DPP6: variants seen among roughly 807,000 people sequenced by gnomAD.
DPP6 encodes dipeptidyl peptidase like 6.
A neutral mutation model predicts 122.6 loss-of-function variants in DPP6; 69 were observed. The observed-to-expected ratio is 0.56, with a 90% CI of 0.46 to 0.69. The LOEUF is 0.69. Ranked by LOEUF, DPP6 falls within the 30% of genes least tolerant of loss-of-function variation. The pLI is 0.00. For synonymous variants in DPP6, 418 were observed against 433.1 expected (o/e 0.97, Z 0.43); for missense variants, 928 against 1,116.9 (o/e 0.83, Z 2.41).
rs1259980506 is a variant in DPP6 at position 154,663,339 on chromosome 7, G to T, written c.681-6021G>T. The stretch of plus-strand genomic sequence containing the variant: ...CATAGAGTCATGGTGAATCACCATG[G>T]CGTATTGGCCATAGTGTTCATGTAG... On this transcript the variant is annotated intron_variant, in intron 6 of 25. Transcript: ENST00000377770. Among the ~76,000 whole-genome samples the T allele has an allele frequency of 2.0e-4, 10 of 49,718 alleles. 1 individual carries two copies. Among genetic ancestry groups the T allele is most frequent in the African/African-American group, 3.9e-4 (10 of 25,786 alleles). The allele number at this position is 49,718 out of a possible 152,430, so 32.6% of individuals were successfully genotyped here.
upstream of DPP6, among the ~76,000 whole-genome samples, chr7:153,882,519 C>G (rs1798783310): frequency 6.6e-6 from 1 of 152,164 alleles, no homozygotes; most frequent in African/African-American, 2.4e-5. Flanking sequence ...TAACTATTTC[C>G]TGATGTCAAA....
chr7:153,954,675 C>G (rs372778903), intron 1 of DPP6, among the ~76,000 whole-genome samples: 1 of 152,148 alleles, frequency 6.6e-6, no homozygotes, highest in Non-Finnish European at 1.5e-5. Flanking sequence ...CTCATCCAAT[C>G]AGTTGAAGGC....
At chr7:154,032,748 C>G (rs1308642548) in intron 1 of DPP6, among the ~76,000 whole-genome samples, 1 of 151,688 alleles carries the variant, frequency 6.6e-6, no homozygotes, top group Admixed American at 6.6e-5. Context: ...TTTTTTCTGT[C>G]TCATTTTTGT....
chr7:153,845,283 C>G, the DPP6 span, among the ~76,000 whole-genome samples: 135 of 152,066 alleles, frequency 8.9e-4, no homozygotes, highest in African/African-American at 3.1e-3. Context: ...ATATTTTAAG[C>G]TAGATTATTA....
intron 1 of DPP6, among the ~76,000 whole-genome samples, chr7:154,218,657 G>T (rs988180506): frequency 1.3e-4 from 20 of 152,140 alleles, no homozygotes; most frequent in Non-Finnish European, 2.8e-4. Context: ...GGTAGGAGAT[G>T]ATTCATCATT....
chr7:154,829,450 TGGTGG>T (rs1800451622), intron 16 of DPP6, among the ~76,000 whole-genome samples: 1 of 27,030 alleles, frequency 3.7e-5, no homozygotes, highest in Admixed American at 6.0e-4. Flanking sequence ...GGGAGGGGAA[TGGTGG>T]GGAGGGGAGG....
chr7:154,341,265 G>C (rs1050569140), intron 1 of DPP6, among the ~76,000 whole-genome samples: 1 of 152,134 alleles, frequency 6.6e-6, no homozygotes, highest in Admixed American at 6.5e-5. Context: ...TTCCTTGTGT[G>C]GGGGTATGTC....
chr7:154,029,778 A>G (rs375112557), intron 1 of DPP6, among the ~76,000 whole-genome samples: 5,405 of 151,704 alleles, frequency 0.036, 95 homozygotes, highest in South Asian at 0.077. Flanking sequence ...CCCGGGAGGC[A>G]GAGCTTGCAG....
At chr7:154,055,470 A>AG (rs1800750582) in intron 1 of DPP6, 1 of 150,478 alleles carries the variant, frequency 6.6e-6, no homozygotes, top group African/African-American at 2.5e-5. Context: ...AAACAAAAAA[A>AG]GAGATTAGGT....
upstream of DPP6, among the ~76,000 whole-genome samples, chr7:153,885,894 A>ATT (rs1471043013): frequency 5.9e-5 from 9 of 152,194 alleles, no homozygotes; most frequent in East Asian, 1.7e-3. Context: ...TACATAATGT[A>ATT]TCATTCGTGT....
At chr7:154,136,457 C>T (rs1415330470) in intron 1 of DPP6, among the ~76,000 whole-genome samples, 1 of 152,192 alleles carries the variant, frequency 6.6e-6, no homozygotes, top group Non-Finnish European at 1.5e-5. Context: ...AGGGGAACCA[C>T]AGAATCTTTA....
chr7:153,799,398 C>G, the DPP6 span, among the ~76,000 whole-genome samples: 6 of 152,088 alleles, frequency 3.9e-5, no homozygotes, highest in Non-Finnish European at 7.4e-5. Flanking sequence ...TGAGTGGCTC[C>G]TAATCGCCCA....
intron 7 of DPP6, among the ~76,000 whole-genome samples, chr7:154,670,488 G>A (rs992478228): frequency 3.3e-5 from 5 of 152,218 alleles, no homozygotes; most frequent in African/African-American, 1.2e-4. Flanking sequence ...CGGTCCTTCA[G>A]GTTTGTTCCA....
chr7:154,201,971 G>A (rs1296842896), intron 1 of DPP6, among the ~76,000 whole-genome samples: 1 of 152,106 alleles, frequency 6.6e-6, no homozygotes, highest in Non-Finnish European at 1.5e-5. Flanking sequence ...ATAAGGCAGC[G>A]CATCTCAAAC....
intron 1 of DPP6, among the ~76,000 whole-genome samples, chr7:154,268,435 A>G (rs563946295): frequency 6.6e-6 from 1 of 152,164 alleles, no homozygotes; most frequent in Non-Finnish European, 1.5e-5. Flanking sequence ...GTATTCTCAT[A>G]TGGTGGATGG....
intron 1 of DPP6, among the ~76,000 whole-genome samples, chr7:154,077,001 G>A (rs1803604662): frequency 6.6e-6 from 1 of 152,174 alleles, no homozygotes; most frequent in Non-Finnish European, 1.5e-5. Flanking sequence ...TTACCATGTA[G>A]ATTTCTTGTT....
chr7:154,561,952 AG>A (rs1449674716), intron 4 of DPP6, among the ~76,000 whole-genome samples: 1 of 152,188 alleles, frequency 6.6e-6, no homozygotes, highest in African/African-American at 2.4e-5. Context: ...GTAGTTTAAA[AG>A]CCCCACATAT....
intron 1 of DPP6, among the ~76,000 whole-genome samples, chr7:154,102,717 T>C (rs1307692243): frequency 6.6e-6 from 1 of 152,180 alleles, no homozygotes; most frequent in Non-Finnish European, 1.5e-5. Flanking sequence ...TGGACAACTA[T>C]AAAACCTCCT....
intron 5 of DPP6, among the ~76,000 whole-genome samples, chr7:154,586,571 G>A (rs372492031): frequency 8.5e-5 from 13 of 152,162 alleles, no homozygotes; most frequent in Non-Finnish European, 1.3e-4. Flanking sequence ...AGGCTGTCAC[G>A]GTGGGACACG....
Sources: gnomAD v4.1 joint callset for allele counts (sites outside exome capture counted in the v4.1 genomes callset) on GRCh38, gnomAD v4.1.1 for gene constraint, MANE v1.5 for transcripts, NCBI Gene and HGNC (gene_info 2026-07-23, HGNC 2026-07-21) for gene names.